The following MTUS2 variants were observed in gnomAD, a reference collection of about 807,000 sequenced individuals.
The protein encoded by MTUS2 is microtubule associated scaffold protein 2.
MTUS2 carries 40 observed loss-of-function variants against 114.1 expected under a neutral mutation model. The observed-to-expected ratio is 0.35, with a 90% CI of 0.27 to 0.46. MTUS2 has a LOEUF of 0.46. Among genes scored for constraint, MTUS2 ranks in the 20% least tolerant of loss-of-function variants. MTUS2 has a pLI of 1.00. For missense variants in MTUS2, 1,679 were observed against 1,705.4 expected (o/e 0.98, Z 0.27); for synonymous variants, 688 against 672.0 (o/e 1.02, Z -0.37).
chr13:28,874,108 T>A (rs932173668), intron 2 of MTUS2, among the ~76,000 whole-genome samples: 1 of 152,132 alleles, frequency 6.6e-6, no homozygotes, highest in Non-Finnish European at 1.5e-5. Context: ...AACCTCCGCC[T>A]CCTGGGTTCA....
intron 5 of MTUS2, among the ~76,000 whole-genome samples, chr13:29,228,178 A>C (rs1242207701): frequency 6.6e-6 from 1 of 152,240 alleles, no homozygotes; most frequent in African/African-American, 2.4e-5. Context: ...GGCATTCAGT[A>C]GGGGAGTGGG....
intron 2 of MTUS2, among the ~76,000 whole-genome samples, chr13:28,988,788 A>G (rs1322377): frequency 0.55 from 83,857 of 151,964 alleles, 23,560 homozygotes; most frequent in East Asian, 0.73. Context: ...TTTATTAAAG[A>G]AGAGATTATT....
intron 5 of MTUS2, among the ~76,000 whole-genome samples, chr13:29,163,960 G>A (rs1343877227): frequency 4.6e-5 from 7 of 152,034 alleles, no homozygotes; most frequent in African/African-American, 1.2e-4. Context: ...CAGCTCGAGC[G>A]CCCTTTTGCT....
intron 2 of MTUS2, among the ~76,000 whole-genome samples, chr13:28,868,334 T>C (rs1360862880): frequency 6.6e-6 from 1 of 152,234 alleles, no homozygotes; most frequent in East Asian, 1.9e-4. Context: ...CCCTGAGTTA[T>C]CAGAAGTATC....
intron 2 of MTUS2, among the ~76,000 whole-genome samples, chr13:28,954,449 C>T (rs976198261): frequency 6.6e-6 from 1 of 152,172 alleles, no homozygotes; most frequent in African/African-American, 2.4e-5. Context: ...AGTTTCTTCT[C>T]TCATTAGTCC....
At chr13:29,003,248 C>T (rs922258607) in intron 2 of MTUS2, among the ~76,000 whole-genome samples, 1 of 152,108 alleles carries the variant, frequency 6.6e-6, no homozygotes, top group Non-Finnish European at 1.5e-5. Context: ...TTTCATGAAG[C>T]AACTCTGAGT....
chr13:29,334,607 G>A (rs1017124843), intron 7 of MTUS2, among the ~76,000 whole-genome samples: 1 of 152,168 alleles, frequency 6.6e-6, no homozygotes, highest in Non-Finnish European at 1.5e-5. Flanking sequence ...TGGGTAACCT[G>A]ACTTTTGTCT....
At chr13:29,187,076 C>T (rs369356877) in intron 5 of MTUS2, among the ~76,000 whole-genome samples, 2 of 151,772 alleles carry the variant, frequency 1.3e-5, no homozygotes, top group East Asian at 3.9e-4. Flanking sequence ...AAAATGAAAA[C>T]ACAACATACT....
chr13:29,003,045 A>G (rs1446738613), intron 2 of MTUS2, among the ~76,000 whole-genome samples: 1 of 152,248 alleles, frequency 6.6e-6, no homozygotes, highest in Non-Finnish European at 1.5e-5. Flanking sequence ...CTAAAAGTAC[A>G]GTTAAAATAG....
chr13:28,955,491 C>T (rs2138190868), intron 2 of MTUS2, among the ~76,000 whole-genome samples: 1 of 152,066 alleles, frequency 6.6e-6, no homozygotes. Flanking sequence ...CTTAATGATG[C>T]CGCCATAAAA....
intron 5 of MTUS2, among the ~76,000 whole-genome samples, chr13:29,265,985 C>A (rs868382994): frequency 5.9e-5 from 9 of 152,172 alleles, no homozygotes; most frequent in African/African-American, 2.2e-4. Context: ...AAAGCACCGC[C>A]ATTCTCTAGG....
At chr13:29,344,029 T>C (rs1425012761) in intron 7 of MTUS2, among the ~76,000 whole-genome samples, 1 of 152,292 alleles carries the variant, frequency 6.6e-6, no homozygotes, top group East Asian at 1.9e-4. Flanking sequence ...CTTGATGTAA[T>C]TTCAATTTTC....
At chr13:29,159,698 C>T (rs558100207) in intron 5 of MTUS2, among the ~76,000 whole-genome samples, 102 of 152,134 alleles carry the variant, frequency 6.7e-4, no homozygotes, top group Middle Eastern at 3.4e-3. Context: ...GAGCAGCCAT[C>T]TCACTGAAGA....
chr13:28,894,852 G>T (rs564132779), intron 2 of MTUS2, among the ~76,000 whole-genome samples: 1 of 152,318 alleles, frequency 6.6e-6, no homozygotes, highest in East Asian at 1.9e-4. Context: ...GGAGCCTTTT[G>T]TGTGTTTTAC....
At chr13:29,383,217 AGT>A (rs1297604822) in intron 8 of MTUS2, among the ~76,000 whole-genome samples, 34 of 105,564 alleles carry the variant, frequency 3.2e-4, no homozygotes, top group African/African-American at 1.0e-3. Flanking sequence ...AGGAAAATTG[AGT>A]GTGTGTGTGT....
chr13:29,290,054 AC>A (rs1235193128), intron 6 of MTUS2, among the ~76,000 whole-genome samples: 1 of 152,226 alleles, frequency 6.6e-6, no homozygotes, highest in African/African-American at 2.4e-5. Flanking sequence ...TGAAGAACTT[AC>A]CTGTCGTTCT....
chr13:28,826,011 T>C lies in MTUS2; in HGVS notation c.-316+5400T>C, dbSNP rs139996972. On this transcript the variant is annotated intron_variant, in intron 1 of 15. Coordinates refer to ENST00000612955, the MANE Select transcript of MTUS2 (RefSeq NM_001033602.4). Reference sequence around the variant, plus strand: ...TATTTGGAAAATGGGGAACTTAAGGTCATTCCTGGGTATTTGATACTCCTC... The same window carrying C: ...TATTTGGAAAATGGGGAACTTAAGGCCATTCCTGGGTATTTGATACTCCTC... 3.1e-4 allele frequency among the ~76,000 whole-genome samples: 47 copies of C among 152,302 alleles called. 1 individual carries two copies. Among genetic ancestry groups the C allele is most frequent in the Middle Eastern group, 3.4e-3 (1 of 294 alleles).
chr13:29,398,232 G>A (rs999681043), intron 8 of MTUS2, among the ~76,000 whole-genome samples: 4 of 152,100 alleles, frequency 2.6e-5, no homozygotes, highest in African/African-American at 7.2e-5. Context: ...CGGCTGAGGC[G>A]GGTGGACCAC....
intron 2 of MTUS2, among the ~76,000 whole-genome samples, chr13:28,894,437 AG>A (rs548158741): frequency 1.4e-3 from 215 of 151,732 alleles, no homozygotes; most frequent in African/African-American, 4.4e-3. Context: ...CAAGCCGGGA[AG>A]GGGGTACCCT....
Sources: gnomAD v4.1 joint callset for allele counts (sites outside exome capture counted in the v4.1 genomes callset) on GRCh38, gnomAD v4.1.1 for gene constraint, MANE v1.5 for transcripts, NCBI Gene and HGNC (gene_info 2026-07-23, HGNC 2026-07-21) for gene names.